Variants in LDB2 observed in about 807,000 individuals in gnomAD.
LDB2 encodes LIM domain-binding protein 2.
In LDB2, 12 loss-of-function variants were observed where a neutral mutation model predicts 44.3. The ratio of observed to expected loss-of-function variants is 0.27; its 90% CI spans 0.17 to 0.44. LDB2 has a LOEUF of 0.44. Ranked by LOEUF, LDB2 falls within the 20% of genes least tolerant of loss-of-function variation. The pLI is 1.00. For missense variants in LDB2, 344 were observed against 473.5 expected, an observed-to-expected ratio of 0.73 and a Z score of 2.54; for synonymous variants, 164 against 174.8, an observed-to-expected ratio of 0.94 and a Z score of 0.49.
intron 2 of LDB2, among the ~76,000 whole-genome samples, chr4:16,728,531 G>C (rs1428530452): frequency 6.6e-6 from 1 of 152,030 alleles, no homozygotes; most frequent in Non-Finnish European, 1.5e-5. Context: ...ATTATTTTTT[G>C]CTTATATAAA....
chr4:16,889,600 G>A (rs1722763693), intron 1 of LDB2, among the ~76,000 whole-genome samples: 1 of 152,096 alleles, frequency 6.6e-6, no homozygotes. Flanking sequence ...GGTAAGACTT[G>A]GGGAAAATTT....
At chr4:16,593,300 G>T (rs1166958770) in intron 3 of LDB2, among the ~76,000 whole-genome samples, 1 of 152,072 alleles carries the variant, frequency 6.6e-6, no homozygotes. Flanking sequence ...ATAAGCATTG[G>T]CTTCTGGACC....
chr4:16,646,260 C>CT (rs1007717834), intron 2 of LDB2, among the ~76,000 whole-genome samples: 21 of 152,208 alleles, frequency 1.4e-4, no homozygotes, highest in East Asian at 1.4e-3. Context: ...TTTCCGCTTT[C>CT]TTTTTTTGTC....
At chr4:16,874,590 G>T (rs555974175) in intron 1 of LDB2, among the ~76,000 whole-genome samples, 1 of 152,286 alleles carries the variant, frequency 6.6e-6, no homozygotes, top group South Asian at 2.1e-4. Context: ...GGGAGAGTGC[G>T]CATCCAACAA....
At chr4:16,703,744 T>C (rs963773669) in intron 2 of LDB2, among the ~76,000 whole-genome samples, 1 of 152,210 alleles carries the variant, frequency 6.6e-6, no homozygotes, top group African/African-American at 2.4e-5. Context: ...TAGCATTTAG[T>C]GTATGGCCAA....
chr4:16,636,668 G>A (rs1057123732), intron 2 of LDB2, among the ~76,000 whole-genome samples: 1 of 152,082 alleles, frequency 6.6e-6, no homozygotes, highest in African/African-American at 2.4e-5. Flanking sequence ...TCTTACATTT[G>A]GACTAAGGGA....
intron 2 of LDB2, among the ~76,000 whole-genome samples, chr4:16,682,805 C>A (rs969551953): frequency 1.3e-5 from 2 of 152,204 alleles, no homozygotes; most frequent in South Asian, 4.1e-4. Flanking sequence ...TCAGACTAAT[C>A]TTTAATGCTG....
intron 5 of LDB2, among the ~76,000 whole-genome samples, chr4:16,522,572 A>G (rs1726623809): frequency 6.6e-6 from 1 of 152,144 alleles, no homozygotes; most frequent in Non-Finnish European, 1.5e-5. Context: ...TATATGGGGG[A>G]TTATGGTGTC....
At chr4:16,847,188 A>G (rs1245467068) in intron 1 of LDB2, among the ~76,000 whole-genome samples, 3 of 152,220 alleles carry the variant, frequency 2.0e-5, no homozygotes, top group Non-Finnish European at 4.4e-5. Flanking sequence ...AAAAATATTT[A>G]TGCTCACTAG....
At chr4:16,844,869 T>G (rs565007048) in intron 1 of LDB2, among the ~76,000 whole-genome samples, 2 of 152,338 alleles carry the variant, frequency 1.3e-5, no homozygotes, top group South Asian at 4.1e-4. Context: ...GGCTTGATAC[T>G]GTATTAAACA....
At chr4:16,868,721 T>C (rs1347298507) in intron 1 of LDB2, among the ~76,000 whole-genome samples, 1 of 152,198 alleles carries the variant, frequency 6.6e-6, no homozygotes, top group East Asian at 1.9e-4. Context: ...AGGACACCAA[T>C]TGCCAAAGAC....
At position 16,511,596 on chromosome 4, in the gene LDB2, A is replaced by G. The variant is rs1001974509; in HGVS notation, c.739+385T>C. Among the ~76,000 whole-genome samples, 8 of 146,404 alleles carry G rather than the reference A, an allele frequency of 5.5e-5. No homozygotes were observed. In the South Asian group the frequency reaches 8.6e-4, roughly 16 times the overall value. ...TTCCTTCCTTTTCATAATGTCTGTC[A>G]TTCTTAAAAAACAAAAACCTAAAAC... is the stretch of plus-strand genomic sequence containing the variant. On this transcript the variant is annotated intron_variant, in intron 6 of 7. Coordinates refer to ENST00000304523, the MANE Select transcript of LDB2 (RefSeq NM_001290.5).
In LDB2 at chr4:16,844,828, G is replaced by A. The variant is rs1786642441; in HGVS notation, c.132+53526C>T. On this transcript the variant is annotated intron_variant, in intron 1 of 7. Transcript: ENST00000304523. ...TTTTCCCTGACCTAACCCACCTAAT[G>A]TTTTCTTCCACCTGCACTCATTTGA... Among the ~76,000 whole-genome samples, 3 of 152,072 alleles carry A rather than the reference G, an allele frequency of 2.0e-5. 1 individual carries two copies. Among genetic ancestry groups the A allele is most frequent in the South Asian group, 4.1e-4 (2 of 4,820 alleles).
chr4:16,546,692 C>G (rs912372416), intron 5 of LDB2, among the ~76,000 whole-genome samples: 7 of 152,166 alleles, frequency 4.6e-5, no homozygotes, highest in African/African-American at 1.7e-4. Flanking sequence ...TCACTAAAAG[C>G]CCTCTCTTTG....
At chr4:16,860,811 T>C (rs1712280671) in intron 1 of LDB2, among the ~76,000 whole-genome samples, 1 of 152,252 alleles carries the variant, frequency 6.6e-6, no homozygotes, top group Non-Finnish European at 1.5e-5. Context: ...ATGTATTTTA[T>C]ATCCAGCAAT....
chr4:16,518,867 T>G (rs1724893176), intron 5 of LDB2, among the ~76,000 whole-genome samples: 1 of 152,220 alleles, frequency 6.6e-6, no homozygotes, highest in African/African-American at 2.4e-5. Context: ...ATAGTTGAGT[T>G]ATGTCCTGGA....
intron 5 of LDB2, among the ~76,000 whole-genome samples, chr4:16,560,716 A>G (rs1460810618): frequency 6.6e-6 from 1 of 152,232 alleles, no homozygotes; most frequent in Non-Finnish European, 1.5e-5. Flanking sequence ...GACTCATTTT[A>G]TGAGGCCAGC....
intron 2 of LDB2, among the ~76,000 whole-genome samples, chr4:16,738,124 TAGG>T (rs1417826204): frequency 6.6e-6 from 1 of 152,220 alleles, no homozygotes; most frequent in East Asian, 1.9e-4. Flanking sequence ...GCACATGATT[TAGG>T]AGATCTATTT....
At chr4:16,571,176 G>C (rs1013026398) in intron 5 of LDB2, among the ~76,000 whole-genome samples, 3 of 152,206 alleles carry the variant, frequency 2.0e-5, no homozygotes, top group Non-Finnish European at 2.9e-5. Context: ...GCAGTGGGCT[G>C]TCACCAGATG....
Sources: gnomAD v4.1 joint callset for allele counts (sites outside exome capture counted in the v4.1 genomes callset) on GRCh38, gnomAD v4.1.1 for gene constraint, MANE v1.5 for transcripts, NCBI Gene and HGNC (gene_info 2026-07-23, HGNC 2026-07-21) for gene names.